Variants in EFR3A observed in about 807,000 individuals in gnomAD.
EFR3A encodes protein EFR3 homolog A.
EFR3A carries 76 observed loss-of-function variants against 104.4 expected under a neutral mutation model. That is an observed-to-expected ratio of 0.73 (90% CI 0.60 to 0.88). EFR3A has a LOEUF of 0.88. Ranked by LOEUF, EFR3A falls within the 40% of genes least tolerant of loss-of-function variation. The pLI is 0.00. For synonymous variants in EFR3A, 330 were observed against 330.0 expected (o/e 1.00, Z 0.00); for missense variants, 985 against 1,012.5 (o/e 0.97, Z 0.37).
intron 1 of EFR3A, chr8:131,935,421 A>G: frequency 2.8e-6 from 1 of 361,042 alleles, no homozygotes; most frequent in Non-Finnish European, 5.6e-6. Flanking sequence ...AACGAGCAGT[A>G]GATTGTTACA....
chr8:131,971,514 C>T (rs1820050567), intron 10 of EFR3A, among the ~76,000 whole-genome samples: 1 of 151,968 alleles, frequency 6.6e-6, no homozygotes, highest in African/African-American at 2.4e-5. Context: ...CGGTGAAACC[C>T]CGTCTCTACT....
At chr8:131,924,133 G>A in intron 1 of EFR3A, 1 of 442,802 alleles carries the variant, frequency 2.3e-6, no homozygotes, top group East Asian at 7.3e-5. Flanking sequence ...TGAGAACTAA[G>A]GACCAATGTA....
At chr8:131,939,025 TTACAAC>T (rs1392487539) in intron 1 of EFR3A, among the ~76,000 whole-genome samples, 1 of 152,156 alleles carries the variant, frequency 6.6e-6, no homozygotes, top group Admixed American at 6.6e-5. Context: ...AATTATGGGC[TTACAAC>T]AAAGATTTTT....
intron 1 of EFR3A, among the ~76,000 whole-genome samples, chr8:131,930,350 A>T (rs1286182965): frequency 6.6e-6 from 1 of 152,044 alleles, no homozygotes; most frequent in African/African-American, 2.4e-5. Context: ...ATAGGAACAG[A>T]TGAATAGAAT....
chr8:131,939,548 A>G (rs1176588090), intron 1 of EFR3A, among the ~76,000 whole-genome samples: 1 of 152,178 alleles, frequency 6.6e-6, no homozygotes, highest in African/African-American at 2.4e-5. Flanking sequence ...TTTCTTATTG[A>G]AAATAACAAA....
intron 1 of EFR3A, among the ~76,000 whole-genome samples, chr8:131,906,730 G>A (rs958811190): frequency 6.6e-6 from 1 of 152,176 alleles, no homozygotes; most frequent in African/African-American, 2.4e-5. Context: ...AAACTGCCAG[G>A]ACACAGAAAC....
chr8:131,987,278 G>T (rs188794295), intron 17 of EFR3A, among the ~76,000 whole-genome samples: 1 of 151,932 alleles, frequency 6.6e-6, no homozygotes. Context: ...GCTACATTTA[G>T]TGTTCTTTAT....
rs558039881 is a variant in EFR3A at position 131,970,776 on chromosome 8, G to A, written c.1159+133G>A. 2.1e-4 allele frequency: 175 copies of A among 846,774 alleles called. No individual in the cohort carries two copies. The African/African-American group carries it at 2.5e-3, about 12-fold the overall frequency. The allele number at this position is 846,774 out of a possible 1,614,324, so 52.5% of individuals were successfully genotyped here. A position where few individuals can be genotyped will look rare whatever the true frequency, so the allele number is the denominator to read the frequency against. ...TTAAATTTCTGAAAATTTAATTTTC[G>A]AAAACAAGCAAGCATGAGAATGGAA... On this transcript the variant is annotated intron_variant, in intron 10 of 22. Transcript: ENST00000254624.
At chr8:131,925,112 T>C (rs1306509816) in intron 1 of EFR3A, among the ~76,000 whole-genome samples, 2 of 152,126 alleles carry the variant, frequency 1.3e-5, no homozygotes, top group African/African-American at 4.8e-5. Context: ...GTCTAACCTC[T>C]GGTTTGAGTC....
Position 131,961,064 on chromosome 8 carries a change from G to A in EFR3A, c.855+1401G>A, listed in dbSNP as rs578203216. On this transcript the variant is annotated intron_variant, in intron 8 of 22. Transcript: ENST00000254624. ...ATCCACACCAAAACCCCATCTTTAC[G>A]TCACCATCATAAAAGACCAAAGGTA... Among the ~76,000 whole-genome samples the A allele has an allele frequency of 1.9e-3, 283 of 152,240 alleles. 2 individuals are homozygous for A. Among genetic ancestry groups the A allele is most frequent in the African/African-American group, 6.5e-3 (272 of 41,556 alleles).
At chr8:131,942,016 C>A (rs1818192859) in intron 2 of EFR3A, among the ~76,000 whole-genome samples, 1 of 151,964 alleles carries the variant, frequency 6.6e-6, no homozygotes, top group South Asian at 2.1e-4. Context: ...TAATTATTTT[C>A]CTGAGAAGTC....
chr8:131,983,374 G>C, intron 14 of EFR3A, among the ~76,000 whole-genome samples: 1 of 152,138 alleles, frequency 6.6e-6, no homozygotes, highest in East Asian at 1.9e-4. Flanking sequence ...GGTCATTCCA[G>C]TTGTCCAGTG....
At chr8:131,981,648 G>A (rs1352201179) in intron 14 of EFR3A, among the ~76,000 whole-genome samples, 1 of 152,084 alleles carries the variant, frequency 6.6e-6, no homozygotes, top group East Asian at 1.9e-4. Flanking sequence ...TGTAGGCACA[G>A]GATGATGGAC....
rs755358080 is a variant in EFR3A, at chr8:131,940,529, C to T, written c.41C>T (p.Pro14Leu). ...RVCCCCSALR[P>L]RYKRLVDNIF... Reference sequence around the variant, plus strand: ...TGCTGCTGCTGTTCCGCTTTGCGTCCTCGCTACAAACGCCTGGTGGACAAC... The same window carrying T: ...TGCTGCTGCTGTTCCGCTTTGCGTCTTCGCTACAAACGCCTGGTGGACAAC... The change falls in exon 2 of 23, where the codon CCT (proline) becomes CTT (leucine). Residue 14 changes from proline to leucine, a missense_variant. Coordinates refer to ENST00000254624, the MANE Select transcript of EFR3A (RefSeq NM_015137.6). 1 of 1,606,940 alleles carries T rather than the reference C, an allele frequency of 6.2e-7. No individual in the cohort carries two copies. Among genetic ancestry groups the T allele is most frequent in the Non-Finnish European group, 8.5e-7 (1 of 1,177,174 alleles).
rs116237400 is a variant in EFR3A at position 131,968,493 on chromosome 8, G to A, written c.991+63G>A. 883 of 1,470,316 alleles carry A rather than the reference G, an allele frequency of 6.0e-4. 4 individuals carry two copies. In the African/African-American group the frequency reaches 0.011, roughly 19 times the overall value. The allele number at this position is 1,470,316 out of a possible 1,614,324, so 91.1% of individuals were successfully genotyped here. A position where few individuals can be genotyped will look rare whatever the true frequency, so the allele number is the denominator to read the frequency against. On this transcript the variant is annotated intron_variant, in intron 9 of 22. Transcript: ENST00000254624. ...CTGGTTCAAAGTGTCCTTTCAGTAT[G>A]CATAGCAGTGTATGAAGAACTCTTT...
chr8:131,943,547 C>T (rs927370967), intron 2 of EFR3A, among the ~76,000 whole-genome samples: 1 of 152,036 alleles, frequency 6.6e-6, no homozygotes, highest in African/African-American at 2.4e-5. Flanking sequence ...TCCTCCTAGA[C>T]AGGAAAACTA....
At chr8:131,972,738 T>C (rs1024452679) in intron 10 of EFR3A, among the ~76,000 whole-genome samples, 1 of 152,172 alleles carries the variant, frequency 6.6e-6, no homozygotes, top group African/African-American at 2.4e-5. Flanking sequence ...AATAATAGTT[T>C]CAATTAATAG....
chr8:131,986,789 CAAAAAAA>C (rs10569128), intron 17 of EFR3A, among the ~76,000 whole-genome samples: 1 of 67,984 alleles, frequency 1.5e-5, no homozygotes, highest in Non-Finnish European at 3.1e-5. Context: ...GACTCCATCT[CAAAAAAA>C]AAAAAAAAAA....
intron 1 of EFR3A, among the ~76,000 whole-genome samples, chr8:131,927,899 A>G (rs1817380603): frequency 6.6e-6 from 1 of 152,170 alleles, no homozygotes; most frequent in Admixed American, 6.6e-5. Flanking sequence ...GAACAGATAT[A>G]GATGTGATGA....
Sources: gnomAD v4.1 joint callset for allele counts (sites outside exome capture counted in the v4.1 genomes callset) on GRCh38, gnomAD v4.1.1 for gene constraint, MANE v1.5 for transcripts, NCBI Gene and HGNC (gene_info 2026-07-23, HGNC 2026-07-21) for gene names.